Variants in FOXP2 observed in about 807,000 individuals in gnomAD.
FOXP2 encodes forkhead box P2.
A neutral mutation model predicts 115.8 loss-of-function variants in FOXP2; 12 were observed. The observed-to-expected ratio is 0.10, with a 90% CI of 0.07 to 0.17. The LOEUF (loss-of-function observed/expected upper bound fraction) is 0.17, where lower values mean the gene tolerates loss of function less well. FOXP2 is among the 10% of genes least tolerant of loss of function. FOXP2 has a pLI of 1.00. For synonymous variants in FOXP2, 328 were observed against 297.7 expected (o/e 1.10, Z -1.05); for missense variants, 629 against 843.5 (o/e 0.75, Z 3.15).
At chr7:114,530,542 T>C (rs1390914150) in intron 2 of FOXP2, among the ~76,000 whole-genome samples, 1 of 151,964 alleles carries the variant, frequency 6.6e-6, no homozygotes, top group Non-Finnish European at 1.5e-5. Context: ...AAAAAAGTTA[T>C]TTATAAACCT....
intron 2 of FOXP2, among the ~76,000 whole-genome samples, chr7:114,378,262 A>C (rs961289470): frequency 5.3e-5 from 8 of 152,142 alleles, no homozygotes; most frequent in African/African-American, 1.7e-4. Context: ...CAGACATAGG[A>C]GTTAGATGGA....
At chr7:114,587,436 A>G (rs1802196940) in intron 3 of FOXP2, among the ~76,000 whole-genome samples, 2 of 151,880 alleles carry the variant, frequency 1.3e-5, no homozygotes, top group Non-Finnish European at 2.9e-5. Flanking sequence ...CAGGACATGA[A>G]CTCATTCTTT....
At chr7:114,093,019 G>A (rs994607546) in intron 1 of FOXP2, among the ~76,000 whole-genome samples, 5 of 152,086 alleles carry the variant, frequency 3.3e-5, no homozygotes, top group Admixed American at 6.5e-5. Flanking sequence ...TCCAGGCACC[G>A]CAGTTTATTC....
chr7:114,490,930 A>G (rs1212036409), intron 2 of FOXP2, among the ~76,000 whole-genome samples: 1 of 152,168 alleles, frequency 6.6e-6, no homozygotes. Context: ...GTTGGTTCCA[A>G]GTCTTTGCTA....
intron 1 of FOXP2, among the ~76,000 whole-genome samples, chr7:114,145,430 T>TC (rs1562980284): frequency 3.7e-4 from 28 of 74,804 alleles, no homozygotes; most frequent in African/African-American, 7.6e-4. Context: ...AGCTTTGCCA[T>TC]TTTTTCTTTT....
chr7:114,271,302 C>A (rs1300480075), intron 1 of FOXP2, among the ~76,000 whole-genome samples: 2 of 150,492 alleles, frequency 1.3e-5, no homozygotes, highest in Non-Finnish European at 3.0e-5. Flanking sequence ...TTTGCTAGAA[C>A]TTCCAATAAA....
At chr7:114,576,151 T>C (rs1455525636) in intron 3 of FOXP2, among the ~76,000 whole-genome samples, 1 of 151,938 alleles carries the variant, frequency 6.6e-6, no homozygotes, top group African/African-American at 2.4e-5. Flanking sequence ...AGTGACCATG[T>C]TTAGGGTTAT....
intron 2 of FOXP2, among the ~76,000 whole-genome samples, chr7:114,465,406 G>T (rs1208823792): frequency 6.6e-6 from 1 of 152,120 alleles, no homozygotes; most frequent in Non-Finnish European, 1.5e-5. Flanking sequence ...AATTTGGAAG[G>T]CATTCATAAG....
intron 3 of FOXP2, among the ~76,000 whole-genome samples, chr7:114,551,332 A>G (rs1263302221): frequency 6.6e-6 from 1 of 152,216 alleles, no homozygotes; most frequent in Non-Finnish European, 1.5e-5. Context: ...CAATCTGGCT[A>G]GATAAAAATT....
chr7:114,319,464 G>T (rs905832417), intron 2 of FOXP2, among the ~76,000 whole-genome samples: 1 of 152,204 alleles, frequency 6.6e-6, no homozygotes, highest in Admixed American at 6.5e-5. Context: ...TGGACTTACA[G>T]TTCCACATGG....
chr7:114,291,962 TATATATTATAGATAATATATAGA>T (rs1357872721), intron 2 of FOXP2, among the ~76,000 whole-genome samples: 191 of 135,512 alleles, frequency 1.4e-3, no homozygotes, highest in Middle Eastern at 0.012. Context: ...ATATATAGAA[TATATATTATAGATAATATATAGA>T]ATATATATTA....
intron 1 of FOXP2, among the ~76,000 whole-genome samples, chr7:114,108,638 C>G (rs1400657457): frequency 6.6e-6 from 1 of 151,798 alleles, no homozygotes; most frequent in East Asian, 1.9e-4. Context: ...TTTAAGATAA[C>G]CTTTTTACAT....
chr7:114,095,411 A>C (rs1799625494), intron 1 of FOXP2, among the ~76,000 whole-genome samples: 1 of 152,172 alleles, frequency 6.6e-6, no homozygotes, highest in African/African-American at 2.4e-5. Context: ...GACCACAGTC[A>C]CTTTGCTAGT....
At chr7:114,516,630 G>A (rs982780979) in intron 2 of FOXP2, among the ~76,000 whole-genome samples, 1 of 151,694 alleles carries the variant, frequency 6.6e-6, no homozygotes, top group Non-Finnish European at 1.5e-5. Context: ...CCCACCAAGA[G>A]CGTACAAAGG....
intron 10 of FOXP2, 149 bp downstream of exon 10, chr7:114,654,158 GTA>G: frequency 6.6e-7 from 1 of 1,519,950 alleles, no homozygotes; most frequent in African/African-American, 1.4e-5. Context: ...TTGTCAAATT[GTA>G]TGTTTCTTTT....
intron 16 of FOXP2, among the ~76,000 whole-genome samples, chr7:114,673,988 C>T (rs1807629705): frequency 6.6e-6 from 1 of 152,192 alleles, no homozygotes; most frequent in African/African-American, 2.4e-5. Flanking sequence ...AGGCATGAGC[C>T]ACTGCACCTG....
At chr7:114,523,616 C>T (rs1798727194) in intron 2 of FOXP2, among the ~76,000 whole-genome samples, 2 of 152,136 alleles carry the variant, frequency 1.3e-5, no homozygotes, top group Non-Finnish European at 2.9e-5. Context: ...CTCTTCTGTG[C>T]CTCCAATTGC....
chr7:114,189,638 T>G (rs1328122113), intron 1 of FOXP2, among the ~76,000 whole-genome samples: 1 of 152,134 alleles, frequency 6.6e-6, no homozygotes, highest in Non-Finnish European at 1.5e-5. Flanking sequence ...CTTATAAAAA[T>G]GAGAAACAGT....
chr7:114,224,098 C>T (rs1794690096), intron 1 of FOXP2, among the ~76,000 whole-genome samples: 1 of 151,942 alleles, frequency 6.6e-6, no homozygotes, highest in Non-Finnish European at 1.5e-5. Flanking sequence ...CTGTTCCTTC[C>T]CTGTTATACA....
Sources: allele counts gnomAD v4.1 joint callset (sites outside exome capture counted in the v4.1 genomes callset), GRCh38; gene constraint gnomAD v4.1.1; transcripts MANE v1.5; gene names NCBI Gene and HGNC (gene_info 2026-07-23, HGNC 2026-07-21).